Variants in THSD4 observed in about 807,000 individuals in gnomAD.
THSD4 encodes the protein thrombospondin type 1 domain containing 4, also known as thrombospondin type-1 domain-containing protein 4.
THSD4 carries 69 observed loss-of-function variants against 119.0 expected under a neutral mutation model. The observed-to-expected ratio is 0.58, with a 90% confidence interval of 0.48 to 0.71. The LOEUF is 0.71. Among genes scored for constraint, THSD4 ranks in the 30% least tolerant of loss-of-function variants. The pLI is 0.00. For synonymous variants in THSD4, 524 were observed against 540.4 expected (o/e 0.97, Z 0.42); for missense variants, 1,393 against 1,391.1 (o/e 1.00, Z -0.02).
chr15:71,494,400 CTG>C (rs2047977367), intron 7 of THSD4, among the ~76,000 whole-genome samples: 1 of 152,146 alleles, frequency 6.6e-6, no homozygotes, highest in Non-Finnish European at 1.5e-5. Flanking sequence ...TTGTCAGCCT[CTG>C]TGTCTCAACA....
In THSD4 at chr15:71,192,799, A is replaced by G. The variant is rs1426618185; in HGVS notation, c.100-22236A>G. 4.6e-5 allele frequency among the ~76,000 whole-genome samples: 7 copies of G among 152,120 alleles called. No homozygotes were observed. In the South Asian group the frequency reaches 8.3e-4, roughly 18 times the overall value. ...ATGACAACTGTCTGTGTGCAGGACA[A>G]TATGAATAAGGATGTGAGATGCTGC... On this transcript the variant is annotated intron_variant, in intron 3 of 17. Transcript: ENST00000261862.
At chr15:71,467,136 T>C (rs1301010679) in intron 7 of THSD4, among the ~76,000 whole-genome samples, 1 of 152,202 alleles carries the variant, frequency 6.6e-6, no homozygotes, top group Non-Finnish European at 1.5e-5. Context: ...GTGCTGCCTT[T>C]GTGTCTCTCC....
At chr15:71,376,441 T>A (rs1004895028) in intron 6 of THSD4, among the ~76,000 whole-genome samples, 19 of 152,182 alleles carry the variant, frequency 1.2e-4, no homozygotes, top group African/African-American at 4.6e-4. Flanking sequence ...TTCTGGGTCT[T>A]GATTGATAGT....
intron 8 of THSD4, among the ~76,000 whole-genome samples, chr15:71,705,781 G>A (rs550076831): frequency 3.9e-5 from 6 of 152,302 alleles, no homozygotes; most frequent in East Asian, 3.9e-4. Context: ...GAGAAAAAGC[G>A]CAAGACATGA....
intron 8 of THSD4, among the ~76,000 whole-genome samples, chr15:71,709,551 A>T (rs768725770): frequency 8.5e-5 from 13 of 152,172 alleles, no homozygotes; most frequent in African/African-American, 2.7e-4. Context: ...GCCGGATAAC[A>T]TGTGGCAGGA....
chr15:71,634,047 C>T (rs1567073535), intron 7 of THSD4, among the ~76,000 whole-genome samples: 2 of 152,044 alleles, frequency 1.3e-5, no homozygotes, highest in Non-Finnish European at 1.5e-5. Flanking sequence ...ATTAGCAGGG[C>T]ATGGCAGTGG....
At chr15:71,324,845 G>A (rs1291950495) in intron 6 of THSD4, among the ~76,000 whole-genome samples, 1 of 152,148 alleles carries the variant, frequency 6.6e-6, no homozygotes, top group Non-Finnish European at 1.5e-5. Context: ...ATTGCTGGAT[G>A]GAATGGTAGA....
At chr15:71,706,810 G>T (rs1338115391) in intron 8 of THSD4, among the ~76,000 whole-genome samples, 1 of 152,230 alleles carries the variant, frequency 6.6e-6, no homozygotes, top group Non-Finnish European at 1.5e-5. Context: ...GGCAGCCAGA[G>T]TGAATGTTAT....
intron 15 of THSD4, among the ~76,000 whole-genome samples, chr15:71,764,306 AG>A (rs1263225150): frequency 6.6e-6 from 1 of 152,258 alleles, no homozygotes; most frequent in African/African-American, 2.4e-5. Context: ...GCAAAGTAAT[AG>A]ATACTAAATG....
chr15:71,216,170 G>A (rs887381823), intron 4 of THSD4, among the ~76,000 whole-genome samples: 2 of 152,208 alleles, frequency 1.3e-5, no homozygotes. Flanking sequence ...GATAGATCCT[G>A]GGAGAATACT....
chr15:71,365,133 G>C (rs113216171), intron 6 of THSD4, among the ~76,000 whole-genome samples: 1 of 107,810 alleles, frequency 9.3e-6, no homozygotes. Context: ...CCCCCCCATT[G>C]TGTGTGTGTG....
intron 8 of THSD4, among the ~76,000 whole-genome samples, chr15:71,710,852 C>A (rs1182102125): frequency 6.6e-6 from 1 of 152,064 alleles, no homozygotes; most frequent in Non-Finnish European, 1.5e-5. Flanking sequence ...CAAAATGCAG[C>A]CTGGTACAGG....
rs1290956246 is a variant in THSD4 at position 71,608,245 on chromosome 15, T to TAC, written c.1153-52284_1153-52283insCA. Among the ~76,000 whole-genome samples, 10 of 77,570 alleles carry TAC rather than the reference T, an allele frequency of 1.3e-4. 1 individual carries two copies. The highest frequency in any genetic ancestry group is 1.0e-3 in the South Asian group (2 of 2,010). The allele number at this position is 77,570 out of a possible 152,430, so 50.9% of individuals were successfully genotyped here. ...CTCAAAAAAAAAAAAAAAATATATA[T>TAC]ATATACACACACACACACACACACA... On this transcript the variant is annotated intron_variant, in intron 7 of 17. Coordinates refer to ENST00000261862, the MANE Select transcript of THSD4 (RefSeq NM_024817.3).
At chr15:71,606,666 G>A (rs934737213) in intron 7 of THSD4, among the ~76,000 whole-genome samples, 3 of 151,976 alleles carry the variant, frequency 2.0e-5, no homozygotes, top group Non-Finnish European at 4.4e-5. Context: ...TCAGCCTCCC[G>A]AGTAGCTGGG....
intron 7 of THSD4, among the ~76,000 whole-genome samples, chr15:71,657,625 G>A (rs2051217454): frequency 2.0e-5 from 3 of 152,220 alleles, no homozygotes; most frequent in South Asian, 4.1e-4. Context: ...AGTGCTCCTA[G>A]TATGTTCTAA....
chr15:71,332,892 A>ATTTTTTTTTTTTTTTTTTTTTTTT lies in THSD4; in HGVS notation c.1015+76193_1015+76194insTTTTTTTTTTTTTTTTTTTTTTTT. ...TCTTAAAACATTGAGATTTTTTTAC[A>ATTTTTTTTTTTTTTTTTTTTTTTT]TTTTTTTTTTTTTTTTAGTTCATCA... On this transcript the variant is annotated intron_variant, in intron 6 of 17. Coordinates refer to ENST00000261862, the MANE Select transcript of THSD4 (RefSeq NM_024817.3). 2.8e-3 allele frequency among the ~76,000 whole-genome samples: 212 copies of ATTTTTTTTTTTTTTTTTTTTTTTT among 76,946 alleles called. 35 individuals are homozygous for ATTTTTTTTTTTTTTTTTTTTTTTT. Among genetic ancestry groups the ATTTTTTTTTTTTTTTTTTTTTTTT allele is most frequent in the Non-Finnish European group, 3.0e-3 (117 of 38,850 alleles). 50.5% of individuals were successfully genotyped at this position (76,946 alleles called of 152,430 possible).
At chr15:71,508,937 AT>A (rs56074729) in intron 7 of THSD4, among the ~76,000 whole-genome samples, 5 of 144,044 alleles carry the variant, frequency 3.5e-5, no homozygotes, top group African/African-American at 1.3e-4. Flanking sequence ...AAAAGGATGG[AT>A]TTTTTTTTTT....
chr15:71,206,101 C>T (rs2043841702), intron 3 of THSD4, among the ~76,000 whole-genome samples: 1 of 152,254 alleles, frequency 6.6e-6, no homozygotes, highest in Admixed American at 6.5e-5. Flanking sequence ...AAGTCTCCTT[C>T]TTCAGGTTCA....
intron 6 of THSD4, among the ~76,000 whole-genome samples, chr15:71,308,405 G>A (rs970297304): frequency 1.3e-5 from 2 of 152,262 alleles, no homozygotes; most frequent in South Asian, 2.1e-4. Flanking sequence ...TCCTGCTAGG[G>A]TGCTTATTGA....
Sources: gnomAD v4.1 joint callset for allele counts (sites outside exome capture counted in the v4.1 genomes callset) on GRCh38, gnomAD v4.1.1 for gene constraint, MANE v1.5 for transcripts, NCBI Gene and HGNC (gene_info 2026-07-23, HGNC 2026-07-21) for gene names.